The following CHODL variants were observed in gnomAD, a reference collection of about 807,000 sequenced individuals.
CHODL encodes the protein chondrolectin, also known as transmembrane protein MT75.
In CHODL, 29 loss-of-function variants were observed where a neutral mutation model predicts 34.5. The observed-to-expected ratio is 0.84, with a 90% CI of 0.63 to 1.15. CHODL has a LOEUF of 1.15. CHODL is among the 50% of genes most tolerant of loss of function. The pLI is 0.00. For synonymous variants in CHODL, 125 were observed against 116.1 expected (o/e 1.08, Z -0.49); for missense variants, 332 against 332.5 (o/e 1.00, Z 0.01).
chr21:18,042,589 A>G (rs1433537669), intron 2 of CHODL, among the ~76,000 whole-genome samples: 1 of 152,032 alleles, frequency 6.6e-6, no homozygotes, highest in African/African-American at 2.4e-5. Context: ...GCTCTAAACC[A>G]TAGCTTAGTG....
At position 17,967,115 on chromosome 21, in the gene CHODL, C is replaced by A. The variant is rs118088286; in HGVS notation, c.-145+49715C>A. The stretch of plus-strand genomic sequence containing the variant: ...GACCATGCTAGTCTCGAACTCTTGA[C>A]CTCTAGTGATGTGCCCACCTCGACC... On this transcript the variant is annotated intron_variant, in intron 1 of 6. Transcript: ENST00000400127. Among the ~76,000 whole-genome samples, 425 of 152,106 alleles carry A rather than the reference C, an allele frequency of 2.8e-3. 14 individuals carry two copies. In the East Asian group the frequency reaches 0.068, roughly 24 times the overall value.
chr21:18,226,150 A>C (rs866414036), intron 2 of CHODL, among the ~76,000 whole-genome samples: 2 of 152,156 alleles, frequency 1.3e-5, no homozygotes, highest in South Asian at 4.1e-4. Context: ...ATGGCTACCA[A>C]CTTTGAGAAA....
At chr21:18,173,422 C>A (rs928369784) in intron 2 of CHODL, among the ~76,000 whole-genome samples, 4 of 152,110 alleles carry the variant, frequency 2.6e-5, no homozygotes. Flanking sequence ...TTTTGTTAAT[C>A]GGTTCAGTCA....
intron 1 of CHODL, among the ~76,000 whole-genome samples, chr21:18,027,114 T>C (rs1332512742): frequency 1.1e-3 from 1 of 918 alleles, no homozygotes; most frequent in East Asian, 0.033. Flanking sequence ...CCTATTACTA[T>C]GAAAAAAAAA....
intron 1 of CHODL, among the ~76,000 whole-genome samples, chr21:17,937,646 T>C (rs548238611): frequency 1.3e-5 from 2 of 152,368 alleles, no homozygotes; most frequent in African/African-American, 4.8e-5. Context: ...TTCATCTCTT[T>C]AACCACTGGA....
At chr21:18,135,935 C>T (rs904699788) in intron 2 of CHODL, among the ~76,000 whole-genome samples, 8 of 151,556 alleles carry the variant, frequency 5.3e-5, no homozygotes, top group Admixed American at 4.6e-4. Context: ...GGTGAAACCC[C>T]GTCTCTACTA....
intron 2 of CHODL, among the ~76,000 whole-genome samples, chr21:18,172,000 C>T (rs1368260665): frequency 6.6e-6 from 1 of 152,154 alleles, no homozygotes; most frequent in Non-Finnish European, 1.5e-5. Context: ...TGTACAGATC[C>T]TCAAGATTAG....
At chr21:18,265,263 A>ATATATATGTGTG (rs1568965997) in intron 5 of CHODL, among the ~76,000 whole-genome samples, 1 of 117,256 alleles carries the variant, frequency 8.5e-6, no homozygotes, top group Non-Finnish European at 1.8e-5. Flanking sequence ...ATATATGTGT[A>ATATATATGTGTG]TATATATATG....
intron 2 of CHODL, among the ~76,000 whole-genome samples, chr21:18,190,718 A>G (rs539344881): frequency 4.6e-5 from 7 of 152,208 alleles, no homozygotes; most frequent in Non-Finnish European, 1.0e-4. Flanking sequence ...TCATCATATC[A>G]CGTAAGGCTG....
intron 2 of CHODL, among the ~76,000 whole-genome samples, chr21:18,187,991 G>A (rs1402447169): frequency 6.6e-6 from 1 of 152,028 alleles, no homozygotes; most frequent in African/African-American, 2.4e-5. Context: ...TAGTGAGTTT[G>A]GAATGACCCC....
At chr21:18,192,228 A>T (rs1181953692) in intron 2 of CHODL, among the ~76,000 whole-genome samples, 6 of 152,176 alleles carry the variant, frequency 3.9e-5, no homozygotes, top group African/African-American at 1.4e-4. Context: ...AGTCAGTATG[A>T]GATATACTGA....
chr21:18,212,241 A>G (rs988666694), intron 2 of CHODL, among the ~76,000 whole-genome samples: 1 of 152,168 alleles, frequency 6.6e-6, no homozygotes, highest in African/African-American at 2.4e-5. Flanking sequence ...TGCCCAAACA[A>G]TATCATAGTT....
chr21:18,193,717 AAAT>A (rs1274158552), intron 2 of CHODL, among the ~76,000 whole-genome samples: 11 of 141,444 alleles, frequency 7.8e-5, no homozygotes, highest in East Asian at 4.4e-4. Flanking sequence ...AAAATAAAAT[AAAT>A]AAATAAATAA....
intron 2 of CHODL, among the ~76,000 whole-genome samples, chr21:18,196,018 C>T (rs1047177329): frequency 6.6e-6 from 1 of 152,128 alleles, no homozygotes; most frequent in Non-Finnish European, 1.5e-5. Flanking sequence ...TCCTCATCAC[C>T]TTAGTTTCCT....
At chr21:18,188,813 G>T (rs1198352042) in intron 2 of CHODL, among the ~76,000 whole-genome samples, 1 of 152,222 alleles carries the variant, frequency 6.6e-6, no homozygotes, top group Non-Finnish European at 1.5e-5. Flanking sequence ...GCATTGCAAG[G>T]AATGGGGAAT....
intron 1 of CHODL, among the ~76,000 whole-genome samples, chr21:18,250,530 T>C (rs2074222958): frequency 6.6e-6 from 1 of 151,916 alleles, no homozygotes; most frequent in Non-Finnish European, 1.5e-5. Context: ...TTAAGTACAT[T>C]ATAAAATCTC....
At chr21:18,237,481 G>A (rs965202652) in intron 2 of CHODL, among the ~76,000 whole-genome samples, 1 of 152,104 alleles carries the variant, frequency 6.6e-6, no homozygotes, top group Non-Finnish European at 1.5e-5. Flanking sequence ...GGAAGGTACT[G>A]GGGAGCTTTT....
intron 2 of CHODL, among the ~76,000 whole-genome samples, chr21:18,173,715 A>G (rs760177535): frequency 3.9e-5 from 6 of 152,092 alleles, no homozygotes; most frequent in Non-Finnish European, 8.8e-5. Context: ...TCCAATGTAA[A>G]TATATTTTCT....
At chr21:17,948,937 G>A (rs1349505402) in intron 1 of CHODL, among the ~76,000 whole-genome samples, 4 of 152,118 alleles carry the variant, frequency 2.6e-5, no homozygotes, top group African/African-American at 9.7e-5. Flanking sequence ...GTCAAACCCA[G>A]ACAAGGATGC....
Sources: gnomAD v4.1 joint callset for allele counts (sites outside exome capture counted in the v4.1 genomes callset) on GRCh38, gnomAD v4.1.1 for gene constraint, MANE v1.5 for transcripts, NCBI Gene and HGNC (gene_info 2026-07-23, HGNC 2026-07-21) for gene names.